Variants in ITPR2 observed in about 807,000 individuals in gnomAD.
ITPR2 encodes inositol 1,4,5-trisphosphate receptor type 2.
A neutral mutation model predicts 317.1 loss-of-function variants in ITPR2; 207 were observed. The observed-to-expected ratio is 0.65, with a 90% confidence interval of 0.58 to 0.73. The LOEUF (loss-of-function observed/expected upper bound fraction) is 0.73, where lower values mean the gene tolerates loss of function less well. Among genes scored for constraint, ITPR2 ranks in the 30% least tolerant of loss-of-function variants. The pLI, the probability that ITPR2 is intolerant of heterozygous loss-of-function variation, is 0.00. For missense variants in ITPR2, 2,613 were observed against 3,284.0 expected (o/e 0.80, Z 4.99); for synonymous variants, 1,156 against 1,149.1 (o/e 1.01, Z -0.12).
chr12:26,727,104 A>T (rs1948942486), intron 2 of ITPR2, among the ~76,000 whole-genome samples: 1 of 152,210 alleles, frequency 6.6e-6, no homozygotes, highest in African/African-American at 2.4e-5. Context: ...AACACCTAGC[A>T]CGTGTGTGAC....
chr12:26,428,146 T>C, intron 48 of ITPR2, 58 bp from the exon 49 acceptor site: 1 of 1,332,976 alleles, frequency 7.5e-7, no homozygotes, highest in Non-Finnish European at 1.0e-6. Context: ...AATGCTAAAA[T>C]ATTTGCTGCT....
intron 2 of ITPR2, among the ~76,000 whole-genome samples, chr12:26,787,482 G>GA (rs544241989): frequency 5.3e-4 from 81 of 152,192 alleles, no homozygotes; most frequent in Non-Finnish European, 8.2e-4. Flanking sequence ...TAATTACCTA[G>GA]TGGGTACAGA....
At chr12:26,661,489 G>C (rs1487190345) in intron 15 of ITPR2, among the ~76,000 whole-genome samples, 1 of 152,086 alleles carries the variant, frequency 6.6e-6, no homozygotes, top group African/African-American at 2.4e-5. Flanking sequence ...AATCCAAAGT[G>C]AGCTGGCTCC....
In ITPR2 at chr12:26,567,977, AT is replaced by A. The variant is rs1184266589; in HGVS notation, c.4631-6026del. Among the ~76,000 whole-genome samples the A allele has an allele frequency of 1.3e-3, 11 of 8,702 alleles. 1 individual carries two copies. Among genetic ancestry groups the A allele is most frequent in the African/African-American group, 2.3e-3 (8 of 3,406 alleles). 5.7% of individuals were successfully genotyped at this position (8,702 alleles called of 152,430 possible). A position where few individuals can be genotyped will look rare whatever the true frequency, so the allele number is the denominator to read the frequency against. ...ATATATATATATATATATTATATAT[AT>A]TATATATATATATATATATTATATA... On this transcript the variant is annotated intron_variant, in intron 34 of 56. Coordinates refer to ENST00000381340, the MANE Select transcript of ITPR2 (RefSeq NM_002223.4).
intron 45 of ITPR2, among the ~76,000 whole-genome samples, chr12:26,458,194 A>T (rs1303364073): frequency 6.6e-6 from 1 of 152,170 alleles, no homozygotes; most frequent in African/African-American, 2.4e-5. Context: ...CAAAATGAAG[A>T]TGGCAGCAGG....
chr12:26,517,029 A>G (rs533257553), intron 37 of ITPR2, among the ~76,000 whole-genome samples: 22 of 152,172 alleles, frequency 1.4e-4, no homozygotes, highest in Admixed American at 6.5e-4. Context: ...ATATTTGAAG[A>G]GTATAACATT....
At chr12:26,654,229 G>T in intron 20 of ITPR2, 103 bp from the exon 21 acceptor site, 1 of 892,930 alleles carries the variant, frequency 1.1e-6, no homozygotes, top group Non-Finnish European at 1.7e-6. Context: ...AATTAGCACA[G>T]CAATTTCTAA....
At chr12:26,372,847 C>A (rs565640621) in intron 55 of ITPR2, among the ~76,000 whole-genome samples, 21 of 152,202 alleles carry the variant, frequency 1.4e-4, no homozygotes, top group Non-Finnish European at 2.9e-4. Context: ...ACAGGCCCTT[C>A]AGCATAGGTG....
intron 45 of ITPR2, among the ~76,000 whole-genome samples, chr12:26,459,019 A>T (rs1488216165): frequency 1.3e-5 from 2 of 152,248 alleles, no homozygotes; most frequent in African/African-American, 4.8e-5. Flanking sequence ...CTAGTCTGGT[A>T]GATAAAGAGC....
intron 48 of ITPR2, 112 bp from the exon 49 acceptor site, chr12:26,428,200 A>G: frequency 2.9e-6 from 2 of 685,126 alleles, no homozygotes; most frequent in Non-Finnish European, 4.4e-6. Flanking sequence ...AATCCAGTAA[A>G]TTTCAAAATG....
intron 55 of ITPR2, among the ~76,000 whole-genome samples, chr12:26,364,313 T>C (rs1938935736): frequency 6.6e-6 from 1 of 152,204 alleles, no homozygotes; most frequent in African/African-American, 2.4e-5. Flanking sequence ...GTAAACATCA[T>C]GAAGGTAGGG....
At chr12:26,644,130 G>A (rs1333826387) in intron 21 of ITPR2, among the ~76,000 whole-genome samples, 2 of 152,114 alleles carry the variant, frequency 1.3e-5, no homozygotes, top group Non-Finnish European at 2.9e-5. Flanking sequence ...CCCATCACAG[G>A]CCCAGAATAT....
At chr12:26,712,653 ACACACACACACACAC>A (rs1948669161) in intron 8 of ITPR2, among the ~76,000 whole-genome samples, 1 of 147,482 alleles carries the variant, frequency 6.8e-6, no homozygotes, top group Non-Finnish European at 1.5e-5. Context: ...ACACACACAC[ACACACACACACACAC>A]ACACACAATT....
chr12:26,608,768 TAA>T (rs777242964), intron 26 of ITPR2, among the ~76,000 whole-genome samples: 67 of 139,702 alleles, frequency 4.8e-4, no homozygotes, highest in Non-Finnish European at 8.2e-4. Flanking sequence ...TTTTTGACAC[TAA>T]AGTTTACTTT....
At chr12:26,556,412 G>GT (rs1944662258) in intron 35 of ITPR2, 37 bp from the exon 36 acceptor site, 1 of 1,585,088 alleles carries the variant, frequency 6.3e-7, no homozygotes, top group African/African-American at 1.4e-5. Flanking sequence ...ACATGAAGGC[G>GT]TAAGTCAGAT....
chr12:26,829,458 G>A (rs562372322), intron 1 of ITPR2, among the ~76,000 whole-genome samples: 22 of 152,038 alleles, frequency 1.4e-4, no homozygotes, highest in Admixed American at 3.9e-4. Context: ...AGCCTCCCAA[G>A]TGGCTGAGAC....
intron 37 of ITPR2, among the ~76,000 whole-genome samples, chr12:26,549,324 T>C (rs573053050): frequency 1.4e-4 from 21 of 152,316 alleles, no homozygotes; most frequent in African/African-American, 5.1e-4. Flanking sequence ...TTGATTCACA[T>C]GGAATATTTT....
chr12:26,588,953 A>T (rs1945612702), intron 32 of ITPR2, among the ~76,000 whole-genome samples: 1 of 152,240 alleles, frequency 6.6e-6, no homozygotes, highest in Non-Finnish European at 1.5e-5. Flanking sequence ...TCTGAGGCTA[A>T]CATTGACCAT....
intron 37 of ITPR2, among the ~76,000 whole-genome samples, chr12:26,518,502 C>A (rs926841398): frequency 1.3e-5 from 2 of 151,944 alleles, no homozygotes; most frequent in Admixed American, 1.3e-4. Context: ...AACACATGTA[C>A]CCCCGAACCT....
Sources: gnomAD v4.1 joint callset for allele counts (sites outside exome capture counted in the v4.1 genomes callset) on GRCh38, gnomAD v4.1.1 for gene constraint, MANE v1.5 for transcripts, NCBI Gene and HGNC (gene_info 2026-07-23, HGNC 2026-07-21) for gene names.